Variants in PAQR3 observed in about 807,000 individuals in gnomAD.
PAQR3 encodes Raf kinase trapping to Golgi.
A neutral mutation model predicts 41.7 loss-of-function variants in PAQR3; 39 were observed. That is an observed-to-expected ratio of 0.93 (90% CI 0.72 to 1.22). The LOEUF is 1.22. Among genes scored for constraint, PAQR3 ranks in the 50% most tolerant of loss-of-function variants. PAQR3 has a pLI of 0.00. For missense variants in PAQR3, 366 were observed against 385.6 expected, an observed-to-expected ratio of 0.95 and a Z score of 0.42; for synonymous variants, 140 against 140.6, an observed-to-expected ratio of 1.00 and a Z score of 0.03.
At chr4:78,930,472 G>A in intron 2 of PAQR3, 147 bp from the exon 3 acceptor site, 1 of 738,990 alleles carries the variant, frequency 1.4e-6, no homozygotes, top group Non-Finnish European at 2.1e-6. Flanking sequence ...CATGGCTACT[G>A]TAGAGCTCAC....
chr4:78,911,759 C>T, downstream of PAQR3: 1 of 1,613,990 alleles, frequency 6.2e-7, no homozygotes, highest in African/African-American at 1.3e-5. Context: ...CCCTTCGGTG[C>T]CAAGCCCTTC....
At chr4:78,936,444 A>G (rs927839476) in intron 1 of PAQR3, among the ~76,000 whole-genome samples, 1 of 152,124 alleles carries the variant, frequency 6.6e-6, no homozygotes, top group Non-Finnish European at 1.5e-5. Flanking sequence ...TCTCAACTTC[A>G]TTTCTTGTAA....
At position 78,917,858 on chromosome 4, in the gene PAQR3, T is replaced by G; in HGVS notation, c.*2681A>C. The G allele has an allele frequency of 1.0e-6, 1 of 985,470 alleles. No individual in the cohort carries two copies. The highest frequency in any genetic ancestry group is 4.7e-5 in the South Asian group (1 of 21,284). The allele number at this position is 985,470 out of a possible 1,614,324, so 61.0% of individuals were successfully genotyped here. A position where few individuals can be genotyped will look rare whatever the true frequency, so the allele number is the denominator to read the frequency against. On this transcript the variant is annotated 3_prime_UTR_variant, in exon 6 of 6. Transcript: ENST00000512733. ...GGATGCCATAAGATGTGACAGACAT[T>G]CCCTGAATCTTCGTTCCTGATTCTA...
Position 78,925,176 on chromosome 4 carries a change from CA to C in PAQR3, c.703-1230del, listed in dbSNP as rs373252486. The stretch of plus-strand genomic sequence containing the variant: ...CTTTCCATTTTAAGATTTCTGAATA[CA>C]AAAAAAAAATCCCTTTTTCTTAATT... On this transcript the variant is annotated intron_variant, in intron 4 of 5. Coordinates refer to ENST00000512733, the MANE Select transcript of PAQR3 (RefSeq NM_001040202.2). Among the ~76,000 whole-genome samples, 212 of 148,096 alleles carry C rather than the reference CA, an allele frequency of 1.4e-3. 1 individual carries two copies. Among genetic ancestry groups the C allele is most frequent in the African/African-American group, 4.8e-3 (195 of 40,520 alleles).
downstream of PAQR3, among the ~76,000 whole-genome samples, chr4:78,909,420 ACATGGAATTTTGAATTAGATGT>A (rs1388565958): frequency 2.6e-5 from 4 of 152,008 alleles, no homozygotes; most frequent in African/African-American, 9.7e-5. Flanking sequence ...TTTCCATTAT[ACATGGAATTTTGAATTAGATGT>A]ATAATGAAAT....
At chr4:78,921,679 A>C in intron 5 of PAQR3, 3 of 985,058 alleles carry the variant, frequency 3.0e-6, no homozygotes, top group Non-Finnish European at 3.6e-6. Context: ...TTGTGTATAC[A>C]TTTTTAAACA....
At chr4:78,931,334 G>A (rs1228551521) in intron 2 of PAQR3, among the ~76,000 whole-genome samples, 1 of 151,908 alleles carries the variant, frequency 6.6e-6, no homozygotes, top group African/African-American at 2.4e-5. Context: ...CCCCAGCCTG[G>A]GTGACAGAGC....
At chr4:78,907,756 A>G (rs1734359875), downstream of PAQR3, among the ~76,000 whole-genome samples, 1 of 152,170 alleles carries the variant, frequency 6.6e-6, no homozygotes. Flanking sequence ...TTGAGACCAC[A>G]GAACTGTTTG....
chr4:78,895,898 A>C (rs748088740), intron 11 of PAQR3, among the ~76,000 whole-genome samples: 2 of 152,000 alleles, frequency 1.3e-5, no homozygotes, highest in Non-Finnish European at 2.9e-5. Flanking sequence ...AGAAGCCTGG[A>C]CTACAAGCAG....
intron 11 of PAQR3, among the ~76,000 whole-genome samples, chr4:78,902,184 A>G (rs1734041736): frequency 6.6e-6 from 1 of 152,180 alleles, no homozygotes; most frequent in South Asian, 2.1e-4. Context: ...AGGCTCAGAA[A>G]GGTTCACTGA....
downstream of PAQR3, chr4:78,911,473 C>T (rs1734601646): frequency 5.6e-6 from 9 of 1,614,028 alleles, no homozygotes; most frequent in Non-Finnish European, 6.8e-6. Context: ...GCGCAGCTTA[C>T]AGAAACTGTC....
chr4:78,925,207 T>G (rs1275425117), intron 4 of PAQR3, among the ~76,000 whole-genome samples: 1 of 152,218 alleles, frequency 6.6e-6, no homozygotes, highest in Non-Finnish European at 1.5e-5. Context: ...TTAATTTCTC[T>G]AAAATTCACT....
At chr4:78,909,420 A>G (rs976455008), downstream of PAQR3, among the ~76,000 whole-genome samples, 15 of 152,126 alleles carry the variant, frequency 9.9e-5, no homozygotes, top group South Asian at 2.1e-4. Context: ...TTTCCATTAT[A>G]CATGGAATTT....
chr4:78,892,983 A>G (rs753198881), intron 11 of PAQR3, among the ~76,000 whole-genome samples: 4 of 152,166 alleles, frequency 2.6e-5, no homozygotes, highest in Admixed American at 6.5e-5. Flanking sequence ...AAATAAGACA[A>G]TGATTAAGTT....
intron 5 of PAQR3, chr4:78,922,946 C>T: frequency 2.2e-6 from 1 of 456,170 alleles, no homozygotes; most frequent in South Asian, 1.6e-5. Flanking sequence ...TCACTCCACC[C>T]AGTGTCCTCT....
chr4:78,908,802 T>C (rs181428363), downstream of PAQR3, among the ~76,000 whole-genome samples: 9 of 152,316 alleles, frequency 5.9e-5, no homozygotes, highest in East Asian at 1.7e-3. Flanking sequence ...TATACATTTA[T>C]GGGGTACATG....
rs1196349114 is a variant in PAQR3, at chr4:78,914,300, T to A, written c.*6239A>T. ...TGTAGACCCTTTGACTTATAAATTC[T>A]GAGGAAACAACTGACAGCATAAAAT... On this transcript the variant is annotated 3_prime_UTR_variant, in exon 6 of 6. Transcript: ENST00000512733. 1 of 152,120 alleles carries A rather than the reference T, an allele frequency of 6.6e-6. No individual in the cohort carries two copies. Among genetic ancestry groups the A allele is most frequent in the African/African-American group, 2.4e-5 (1 of 41,458 alleles). 9.4% of individuals were successfully genotyped at this position (152,120 alleles called of 1,614,324 possible).
chr4:78,906,075 A>G (rs895646742), intron 11 of PAQR3: 1 of 152,068 alleles, frequency 6.6e-6, no homozygotes, highest in African/African-American at 2.4e-5. Flanking sequence ...TGAATAGATG[A>G]TTAAGTAGAT....
chr4:78,889,147 G>C (rs1733277189), intron 11 of PAQR3, among the ~76,000 whole-genome samples: 1 of 151,472 alleles, frequency 6.6e-6, no homozygotes, highest in South Asian at 2.1e-4. Flanking sequence ...CGTGAACCCG[G>C]GAGGCGGAGT....
Sources: gnomAD v4.1 joint callset for allele counts (sites outside exome capture counted in the v4.1 genomes callset) on GRCh38, gnomAD v4.1.1 for gene constraint, MANE v1.5 for transcripts, NCBI Gene and HGNC (gene_info 2026-07-23, HGNC 2026-07-21) for gene names.